The following COL22A1 variants were observed in gnomAD, a reference collection of about 807,000 sequenced individuals.
The protein encoded by COL22A1 is collagen alpha-1(XXII) chain.
COL22A1 carries 221 observed loss-of-function variants against 248.9 expected under a neutral mutation model. That is an observed-to-expected ratio of 0.89 (90% CI 0.80 to 0.99). The LOEUF (loss-of-function observed/expected upper bound fraction) is 0.99, where lower values mean the gene tolerates loss of function less well. COL22A1 is among the 50% of genes least tolerant of loss of function. COL22A1 has a pLI of 0.00. For missense variants in COL22A1, 2,240 were observed against 2,179.0 expected (o/e 1.03, Z -0.56); for synonymous variants, 891 against 793.4 (o/e 1.12, Z -2.07).
intron 3 of COL22A1, among the ~76,000 whole-genome samples, chr8:138,863,222 T>C (rs532004145): frequency 4.1e-4 from 63 of 152,320 alleles, no homozygotes; most frequent in African/African-American, 1.5e-3. Context: ...CAACAAAACC[T>C]TGTGGACCAT....
chr8:138,589,420 A>T lies in COL22A1; in HGVS notation c.4714T>A (p.Tyr1572Asn), dbSNP rs763332115. The change falls in exon 65 of 65, where the codon TAT becomes AAT. Residue 1572 changes from tyrosine to asparagine, a missense_variant. Tyr to Asn is a moderately radical substitution (Grantham distance 143). Transcript: ENST00000303045. ...GIPGQPGEPG[Y>N]AKDGLPGIPG... Reference sequence around the variant, plus strand: ...ATCCCAGGAAGTCCATCTTTAGCATAGCCAGGTTCCCCGGGTTGACCTGGC... The same window carrying T: ...ATCCCAGGAAGTCCATCTTTAGCATTGCCAGGTTCCCCGGGTTGACCTGGC... The T allele has an allele frequency of 1.9e-6, 3 of 1,573,326 alleles. No homozygotes were observed. In the East Asian group the frequency reaches 7.0e-5, roughly 37 times the overall value.
chr8:138,677,339 T>A (rs1303291031), intron 40 of COL22A1, among the ~76,000 whole-genome samples: 1 of 152,146 alleles, frequency 6.6e-6, no homozygotes, highest in Non-Finnish European at 1.5e-5. Flanking sequence ...GCAGAGAGAG[T>A]GCTTGGCACA....
intron 49 of COL22A1, among the ~76,000 whole-genome samples, chr8:138,634,355 A>G (rs1427724634): frequency 6.6e-6 from 1 of 152,092 alleles, no homozygotes. Flanking sequence ...CTCATGTGGA[A>G]CCCATGGGAA....
At chr8:138,716,169 G>T in intron 29 of COL22A1, 58 bp downstream of exon 29, 1 of 1,350,168 alleles carries the variant, frequency 7.4e-7, no homozygotes, top group Non-Finnish European at 1.0e-6. Context: ...ACAGGGGGCT[G>T]CTCTCTGTGG....
chr8:138,660,841 CACACACACACAT>C, intron 43 of COL22A1, among the ~76,000 whole-genome samples: 1 of 111,420 alleles, frequency 9.0e-6, no homozygotes, highest in Admixed American at 8.4e-5. Flanking sequence ...CACACACAGA[CACACACACACAT>C]ACACAGACAC....
chr8:138,748,211 C>T (rs1202939229), intron 22 of COL22A1, among the ~76,000 whole-genome samples: 1 of 152,218 alleles, frequency 6.6e-6, no homozygotes, highest in Non-Finnish European at 1.5e-5. Context: ...AGTGGCCTCC[C>T]TCAAGCTGAG....
chr8:138,643,965 A>G (rs1192120651), intron 47 of COL22A1, among the ~76,000 whole-genome samples: 1 of 152,150 alleles, frequency 6.6e-6, no homozygotes, highest in East Asian at 1.9e-4. Flanking sequence ...TATTTTTAGT[A>G]GAGATGGGGT....
chr8:138,759,850 AG>A (rs1301069262), intron 18 of COL22A1, among the ~76,000 whole-genome samples: 4 of 152,206 alleles, frequency 2.6e-5, no homozygotes, highest in Non-Finnish European at 5.9e-5. Context: ...GAAGGAGAAA[AG>A]AAGAGGAAGA....
At chr8:138,814,069 A>G (rs1818475096) in intron 7 of COL22A1, among the ~76,000 whole-genome samples, 1 of 152,262 alleles carries the variant, frequency 6.6e-6, no homozygotes, top group African/African-American at 2.4e-5. Context: ...CACACAGTCT[A>G]CAGACAAAGC....
chr8:138,594,935 G>A (rs1250524708), intron 62 of COL22A1, among the ~76,000 whole-genome samples: 2 of 152,148 alleles, frequency 1.3e-5, no homozygotes, highest in African/African-American at 4.8e-5. Context: ...TAATATGACA[G>A]AACTGATTAA....
Position 138,877,864 on chromosome 8 carries a change from T to C in COL22A1, c.544A>G (p.Lys182Glu), listed in dbSNP as rs2132041327. 1 of 1,613,324 alleles carries C rather than the reference T, an allele frequency of 6.2e-7. No individual in the cohort carries two copies. The highest frequency in any genetic ancestry group is 8.5e-7 in the Non-Finnish European group (1 of 1,179,752). ...IFAVGVGEAL[K>E]EELEEIASEP... ...GAGGCGATCTCCTCCAGCTCCTCCT[T>C]GAGTGCCTCGCCCACGCCCACGGCA... The change falls in exon 3 of 65, where the codon AAG (lysine) becomes GAG (glutamate). Residue 182 changes from lysine (K) to glutamate (E), a missense_variant. Lys to Glu is a moderately conservative substitution (Grantham distance 56). Coordinates refer to ENST00000303045, the MANE Select transcript of COL22A1 (RefSeq NM_152888.3).
At position 138,589,391 on chromosome 8, in the gene COL22A1, A is replaced by G; in HGVS notation, c.4743T>C (p.Pro1581=). 1.3e-6 allele frequency: 2 copies of G among 1,597,456 alleles called. No individual in the cohort carries two copies. Among genetic ancestry groups the G allele is most frequent in the Middle Eastern group, 1.7e-4 (1 of 5,990 alleles). Residue 1581 remains proline (P), a synonymous_variant, in exon 65 of 65, where the codon CCT becomes CCC. Transcript: ENST00000303045. ...CTGGTCCTGTCTCCCCTTGAGGGCC[A>G]GGGATCCCAGGAAGTCCATCTTTAG... The part of the protein sequence containing the change: ...GYAKDGLPGI[P]GPQGETGPAG...
chr8:138,641,406 G>A (rs2130443439), intron 47 of COL22A1, among the ~76,000 whole-genome samples: 1 of 152,244 alleles, frequency 6.6e-6, no homozygotes, highest in East Asian at 1.9e-4. Context: ...TTTTCGTAGG[G>A]GACAGAATAG....
At chr8:138,853,031 C>T (rs1276232696) in intron 3 of COL22A1, among the ~76,000 whole-genome samples, 1 of 151,352 alleles carries the variant, frequency 6.6e-6, no homozygotes, top group African/African-American at 2.4e-5. Flanking sequence ...CAAAAATTAG[C>T]AGCACGTGGT....
chr8:138,912,210 A>G (rs1304336367), intron 1 of COL22A1, among the ~76,000 whole-genome samples: 1 of 152,224 alleles, frequency 6.6e-6, no homozygotes, highest in Admixed American at 6.5e-5. Context: ...TAGCACTGGA[A>G]GACAAGACTA....
At chr8:138,591,398 C>A in intron 64 of COL22A1, 26 bp downstream of exon 64, 1 of 1,551,542 alleles carries the variant, frequency 6.4e-7, no homozygotes, top group Non-Finnish European at 8.7e-7. Context: ...CACACCCTAC[C>A]CCTGAGACTG....
At chr8:138,671,110 G>A (rs936992470) in intron 41 of COL22A1, among the ~76,000 whole-genome samples, 1 of 151,942 alleles carries the variant, frequency 6.6e-6, no homozygotes, top group Non-Finnish European at 1.5e-5. Context: ...TAAATACAGT[G>A]GAAAATATTT....
intron 52 of COL22A1, among the ~76,000 whole-genome samples, chr8:138,622,965 G>A (rs1165804015): frequency 6.6e-6 from 1 of 151,940 alleles, no homozygotes. Flanking sequence ...AGACCTAAGA[G>A]GTGCTAGGAA....
At chr8:138,632,226 C>T (rs1203082446) in intron 49 of COL22A1, among the ~76,000 whole-genome samples, 1 of 152,146 alleles carries the variant, frequency 6.6e-6, no homozygotes, top group South Asian at 2.1e-4. Context: ...TCTTAGAGTT[C>T]GAGTTCCTGA....
Sources: allele counts gnomAD v4.1 joint callset (sites outside exome capture counted in the v4.1 genomes callset), GRCh38; gene constraint gnomAD v4.1.1; transcripts MANE v1.5; gene names NCBI Gene and HGNC (gene_info 2026-07-23, HGNC 2026-07-21).